The following GABRA3 variants were observed in gnomAD, a reference collection of about 807,000 sequenced individuals.
GABRA3 encodes the protein gamma-aminobutyric acid type A receptor subunit alpha3.
GABRA3 carries 10 observed loss-of-function variants against 30.1 expected under a neutral mutation model. The observed-to-expected ratio is 0.33, with a 90% confidence interval of 0.20 to 0.56. The LOEUF (loss-of-function observed/expected upper bound fraction) is 0.56, where lower values mean the gene tolerates loss of function less well. GABRA3 is among the 20% of genes least tolerant of loss of function. The pLI, the probability that GABRA3 is intolerant of heterozygous loss-of-function variation, is 0.89. For missense variants in GABRA3, 233 were observed against 392.0 expected (o/e 0.59, Z 3.42); for synonymous variants, 151 against 146.8 (o/e 1.03, Z -0.21).
intron 1 of GABRA3, among the ~76,000 whole-genome samples, chrX:152,446,299 T>C (rs1831027344): frequency 8.9e-6 from 1 of 112,002 alleles, no homozygotes; most frequent in South Asian, 3.8e-4. Flanking sequence ...TATGACTACA[T>C]AGTTCAGTGG....
Position 152,317,205 on chromosome X carries a change from C to T in GABRA3, c.262+28376G>A, listed in dbSNP as rs1025422182. ...AGACAAACAAATTTTAAAGCAACAG[C>T]AGTTACAAAAGTCAAAGAGGGACAT... On this transcript the variant is annotated intron_variant, in intron 3 of 9. Transcript: ENST00000370314. 4.5e-4 allele frequency among the ~76,000 whole-genome samples: 50 copies of T among 111,773 alleles called. 1 individual carries two copies. Among genetic ancestry groups the T allele is most frequent in the African/African-American group, 1.6e-3 (49 of 30,798 alleles).
chrX:152,401,555 T>A (rs1365578783), intron 1 of GABRA3, among the ~76,000 whole-genome samples: 1 of 111,342 alleles, frequency 9.0e-6, no homozygotes, highest in African/African-American at 3.3e-5. Context: ...CAATTACTAA[T>A]AAGTGTAAAA....
At chrX:152,313,407 A>G (rs2124461317) in intron 3 of GABRA3, among the ~76,000 whole-genome samples, 1 of 111,458 alleles carries the variant, frequency 9.0e-6, no homozygotes, top group African/African-American at 3.3e-5. Context: ...GTCCCTTTAT[A>G]TTGGTGCTTA....
chrX:152,277,217 T>C (rs1294698843), intron 4 of GABRA3, among the ~76,000 whole-genome samples: 1 of 110,726 alleles, frequency 9.0e-6, no homozygotes, highest in Non-Finnish European at 1.9e-5. Context: ...TTCAAGTCTA[T>C]TGCCACCAGG....
intron 9 of GABRA3, among the ~76,000 whole-genome samples, chrX:152,173,107 A>G (rs1421358426): frequency 9.0e-6 from 1 of 111,057 alleles, no homozygotes; most frequent in Non-Finnish European, 1.9e-5. Flanking sequence ...AAACATTCAG[A>G]GGGGCATGAA....
intron 1 of GABRA3, among the ~76,000 whole-genome samples, chrX:152,432,559 A>G (rs1930672789): frequency 9.0e-6 from 1 of 111,584 alleles, no homozygotes; most frequent in African/African-American, 3.2e-5. Context: ...ATAGCAAACA[A>G]AAAACAAAAC....
chrX:152,434,465 A>C (rs1290324063), intron 1 of GABRA3, among the ~76,000 whole-genome samples: 1 of 111,308 alleles, frequency 9.0e-6, no homozygotes. Flanking sequence ...TAATACACCA[A>C]GTACTTAAGG....
At chrX:152,224,894 T>C in intron 5 of GABRA3, 49 bp from the exon 6 acceptor site, 1 of 912,662 alleles carries the variant, frequency 1.1e-6, no homozygotes, top group African/African-American at 1.9e-5. Context: ...ATAAATGTTA[T>C]TAAACACAGG....
intron 1 of GABRA3, among the ~76,000 whole-genome samples, chrX:152,444,985 C>T (rs1370100394): frequency 2.6e-5 from 2 of 77,080 alleles, no homozygotes; most frequent in Non-Finnish European, 4.7e-5. Flanking sequence ...GGCGTGAACC[C>T]GGGAGGCGGA....
intron 9 of GABRA3, among the ~76,000 whole-genome samples, chrX:152,182,552 ACACTATATATATACTATATAT>A (rs1937173994): frequency 1.3e-5 from 1 of 79,708 alleles, no homozygotes; most frequent in African/African-American, 4.8e-5. Context: ...GTGTATATAT[ACACTATATATATACTATATAT>A]GCATATATAG....
chrX:152,282,774 G>A (rs1386214162), intron 4 of GABRA3, among the ~76,000 whole-genome samples: 1 of 111,417 alleles, frequency 9.0e-6, no homozygotes, highest in Non-Finnish European at 1.9e-5. Flanking sequence ...GGTATGCCTG[G>A]GTTTAGGTAT....
At chrX:152,251,142 A>T (rs1377928826) in intron 5 of GABRA3, 1 of 334,007 alleles carries the variant, frequency 3.0e-6, no homozygotes, top group Non-Finnish European at 6.0e-6. Context: ...CGATGGCTTC[A>T]TCATGCTTCT....
chrX:152,314,846 A>C (rs919098665), intron 3 of GABRA3, among the ~76,000 whole-genome samples: 1 of 112,412 alleles, frequency 8.9e-6, no homozygotes, highest in Non-Finnish European at 1.9e-5. Context: ...CTCACATGCC[A>C]GATTGCAAAT....
At chrX:152,256,951 A>G (rs1938646817) in intron 4 of GABRA3, among the ~76,000 whole-genome samples, 1 of 111,695 alleles carries the variant, frequency 9.0e-6, no homozygotes, top group Non-Finnish European at 1.9e-5. Context: ...AATCTGGACC[A>G]TTAGGGATGG....
chrX:152,248,052 T>C (rs1938488597), intron 5 of GABRA3, among the ~76,000 whole-genome samples: 1 of 111,236 alleles, frequency 9.0e-6, no homozygotes, highest in East Asian at 2.8e-4. Context: ...TCAACATCTA[T>C]TGAAAACGTC....
At chrX:152,288,185 A>G (rs1282840283) in intron 3 of GABRA3, among the ~76,000 whole-genome samples, 18 of 111,552 alleles carry the variant, frequency 1.6e-4, no homozygotes, top group Non-Finnish European at 1.9e-5. Context: ...AAGCAGGGAT[A>G]TTTGACATGA....
At chrX:152,227,387 TG>T (rs1314605949) in intron 5 of GABRA3, among the ~76,000 whole-genome samples, 2 of 27,566 alleles carry the variant, frequency 7.3e-5, no homozygotes, top group Non-Finnish European at 6.1e-5. Flanking sequence ...TGTTGTGGGG[TG>T]GGGGGAGGGG....
At chrX:152,187,170 A>G (rs751828636) in intron 9 of GABRA3, 2 of 111,990 alleles carry the variant, frequency 1.8e-5, no homozygotes, top group South Asian at 7.5e-4. Context: ...GCAACCAACC[A>G]AAAACAGTAA....
rs774084552 is a variant in GABRA3, at chrX:152,298,553, C to T, written c.263-13818G>A. ...TCCATGTCCCTACAAAGGACATGAA[C>T]TCATCATTTTTTATGGCTGCATAGT... On this transcript the variant is annotated intron_variant, in intron 3 of 9. Coordinates refer to ENST00000370314, the MANE Select transcript of GABRA3 (RefSeq NM_000808.4). Among the ~76,000 whole-genome samples, 34 of 110,652 alleles carry T rather than the reference C, an allele frequency of 3.1e-4. No homozygotes were observed. The Admixed American group carries it at 3.3e-3, about 11-fold the overall frequency.
Sources: gnomAD v4.1 joint callset for allele counts (sites outside exome capture counted in the v4.1 genomes callset) on GRCh38, gnomAD v4.1.1 for gene constraint, MANE v1.5 for transcripts, NCBI Gene and HGNC (gene_info 2026-07-23, HGNC 2026-07-21) for gene names.